The following FSTL5 variants were observed in gnomAD, a reference collection of about 807,000 sequenced individuals.
FSTL5 encodes the protein follistatin-related protein 5.
FSTL5 carries 62 observed loss-of-function variants against 89.1 expected under a neutral mutation model. That is an observed-to-expected ratio of 0.70 (90% CI 0.57 to 0.86). The LOEUF (loss-of-function observed/expected upper bound fraction) is 0.86, where lower values mean the gene tolerates loss of function less well. FSTL5 is among the 40% of genes least tolerant of loss of function. The probability of loss-of-function intolerance (pLI) is 0.00; values close to 1 mark genes in which losing one functional copy is unlikely to be tolerated. For missense variants in FSTL5, 1,057 were observed against 1,001.6 expected (o/e 1.06, Z -0.75); for synonymous variants, 383 against 346.2 (o/e 1.11, Z -1.18).
At chr4:161,463,149 T>C (rs2126418235) in intron 13 of FSTL5, among the ~76,000 whole-genome samples, 1 of 152,206 alleles carries the variant, frequency 6.6e-6, no homozygotes, top group African/African-American at 2.4e-5. Flanking sequence ...GATATACCTA[T>C]TTGGAGGAAA....
chr4:161,536,371 C>G (rs930996477), intron 10 of FSTL5, among the ~76,000 whole-genome samples: 1 of 152,050 alleles, frequency 6.6e-6, no homozygotes, highest in African/African-American at 2.4e-5. Flanking sequence ...ATCCACAATC[C>G]TTAAGATGGG....
chr4:161,551,988 G>A (rs1233707829), intron 8 of FSTL5, among the ~76,000 whole-genome samples: 1 of 151,754 alleles, frequency 6.6e-6, no homozygotes, highest in East Asian at 1.9e-4. Context: ...TGACAAATGG[G>A]GTCTAATTAA....
At chr4:161,496,330 T>C (rs1048125243) in intron 12 of FSTL5, among the ~76,000 whole-genome samples, 4 of 152,166 alleles carry the variant, frequency 2.6e-5, no homozygotes, top group African/African-American at 7.2e-5. Context: ...GGCTAGCCTA[T>C]GGTGCCCAGT....
At chr4:161,908,417 A>G (rs1282894701) in intron 4 of FSTL5, among the ~76,000 whole-genome samples, 3 of 152,146 alleles carry the variant, frequency 2.0e-5, no homozygotes, top group Non-Finnish European at 4.4e-5. Flanking sequence ...AGCATGTAGC[A>G]CTTTGAGCAT....
chr4:162,037,493 T>C (rs1485798142), intron 2 of FSTL5, among the ~76,000 whole-genome samples: 3 of 151,846 alleles, frequency 2.0e-5, no homozygotes, highest in African/African-American at 4.8e-5. Flanking sequence ...CCAATCCTAG[T>C]TGAGTTTTGT....
intron 4 of FSTL5, among the ~76,000 whole-genome samples, chr4:161,871,613 T>C (rs1400116383): frequency 2.0e-5 from 3 of 152,312 alleles, no homozygotes; most frequent in East Asian, 3.9e-4. Flanking sequence ...ATTAATGTTC[T>C]TCATTTTCAA....
intron 3 of FSTL5, among the ~76,000 whole-genome samples, chr4:161,939,888 G>A (rs1386157898): frequency 6.6e-6 from 1 of 151,376 alleles, no homozygotes; most frequent in Non-Finnish European, 1.5e-5. Flanking sequence ...TCTTTAGATA[G>A]CTCCAAAAAA....
intron 1 of FSTL5, among the ~76,000 whole-genome samples, chr4:162,146,122 T>G (rs971888593): frequency 2.0e-5 from 3 of 152,156 alleles, no homozygotes; most frequent in Non-Finnish European, 4.4e-5. Flanking sequence ...TAATAGTGAT[T>G]TTTGTGGAAC....
At chr4:162,145,626 A>G (rs2111495916) in intron 1 of FSTL5, among the ~76,000 whole-genome samples, 1 of 152,274 alleles carries the variant, frequency 6.6e-6, no homozygotes, top group Middle Eastern at 3.4e-3. Context: ...ACGGAGAATC[A>G]TGCATCAGCT....
intron 12 of FSTL5, among the ~76,000 whole-genome samples, chr4:161,495,811 C>T (rs1044298943): frequency 1.3e-5 from 2 of 152,068 alleles, no homozygotes; most frequent in African/African-American, 4.8e-5. Flanking sequence ...AATCCCTTTT[C>T]ATGGGAAAAA....
At chr4:161,444,282 G>A (rs777539357) in intron 15 of FSTL5, among the ~76,000 whole-genome samples, 1 of 151,930 alleles carries the variant, frequency 6.6e-6, no homozygotes, top group Non-Finnish European at 1.5e-5. Flanking sequence ...TTGGACATGA[G>A]CAGACAGCAA....
At chr4:161,693,590 G>T (rs1738027991) in intron 6 of FSTL5, among the ~76,000 whole-genome samples, 1 of 144,390 alleles carries the variant, frequency 6.9e-6, no homozygotes, top group South Asian at 2.2e-4. Flanking sequence ...CATCTAGATT[G>T]TCTATTTTGT....
rs537170704 is a variant in FSTL5, at chr4:161,436,735, G to A, written c.1841+18269C>T. ...TATGTCCCATCTATGCCCGCAGATG[G>A]TCAGATTGAGCCTGTCACAACTTTG... On this transcript the variant is annotated intron_variant, in intron 15 of 15. Transcript: ENST00000306100. 1.1e-4 allele frequency among the ~76,000 whole-genome samples: 17 copies of A among 152,286 alleles called. No individual in the cohort carries two copies. The East Asian group carries it at 2.7e-3, about 24-fold the overall frequency.
At position 161,769,697 on chromosome 4, in the gene FSTL5, C is replaced by G. The variant is rs181610512; in HGVS notation, c.606+6181G>C. ...GAAGAAATATACAACAAACCCACAG[C>G]TAGCATCATACTAAATGCAGAAAAA... On this transcript the variant is annotated intron_variant, in intron 5 of 15. Coordinates refer to ENST00000306100, the MANE Select transcript of FSTL5 (RefSeq NM_020116.5). Among the ~76,000 whole-genome samples, 450 of 151,948 alleles carry G rather than the reference C, an allele frequency of 3.0e-3. 4 individuals are homozygous for G. Among genetic ancestry groups the G allele is most frequent in the African/African-American group, 1.0e-2 (414 of 41,526 alleles).
chr4:161,836,623 G>A (rs1315818089), intron 4 of FSTL5, among the ~76,000 whole-genome samples: 1 of 151,990 alleles, frequency 6.6e-6, no homozygotes. Context: ...GTGTATTAGG[G>A]AAGCTATTTT....
chr4:161,984,469 A>G (rs971543212), intron 3 of FSTL5, among the ~76,000 whole-genome samples: 1 of 152,096 alleles, frequency 6.6e-6, no homozygotes, highest in Non-Finnish European at 1.5e-5. Context: ...GTGCAAGTAA[A>G]TCTCGACGAG....
chr4:161,619,855 C>T (rs1407147926), intron 7 of FSTL5, among the ~76,000 whole-genome samples: 1 of 151,938 alleles, frequency 6.6e-6, no homozygotes, highest in Non-Finnish European at 1.5e-5. Context: ...ACCCAAAGGA[C>T]TATAAATCAT....
intron 15 of FSTL5, among the ~76,000 whole-genome samples, chr4:161,453,743 C>T (rs112144920): frequency 1.1e-4 from 16 of 152,018 alleles, no homozygotes; most frequent in Non-Finnish European, 1.5e-5. Flanking sequence ...TACAGACATG[C>T]ACCACCATGT....
chr4:161,455,785 C>T (rs578182251), intron 14 of FSTL5, among the ~76,000 whole-genome samples: 1 of 152,224 alleles, frequency 6.6e-6, no homozygotes, highest in South Asian at 2.1e-4. Flanking sequence ...GATCTGTTTA[C>T]ACCCCTGTAA....
Sources: allele counts gnomAD v4.1 joint callset (sites outside exome capture counted in the v4.1 genomes callset), GRCh38; gene constraint gnomAD v4.1.1; transcripts MANE v1.5; gene names NCBI Gene and HGNC (gene_info 2026-07-23, HGNC 2026-07-21).